STK39: variants seen among roughly 807,000 people sequenced by gnomAD.
STK39 encodes the protein serine/threonine kinase 39, also known as STE20/SPS1-related proline-alanine-rich protein kinase.
STK39 carries 20 observed loss-of-function variants against 77.8 expected under a neutral mutation model. The observed-to-expected ratio is 0.26, with a 90% CI of 0.18 to 0.37. The LOEUF (loss-of-function observed/expected upper bound fraction) is 0.37, where lower values mean the gene tolerates loss of function less well. Ranked by LOEUF, STK39 falls within the 10% of genes least tolerant of loss-of-function variation. The pLI is 1.00. For missense variants in STK39, 479 were observed against 656.5 expected (o/e 0.73, Z 2.95); for synonymous variants, 246 against 234.1 (o/e 1.05, Z -0.47).
intron 12 of STK39, among the ~76,000 whole-genome samples, chr2:168,069,488 C>T (rs80199186): frequency 0.016 from 2,378 of 152,290 alleles, 101 homozygotes; most frequent in East Asian, 0.1. Flanking sequence ...GAAACCTTTC[C>T]CACCTGCTTC....
chr2:167,991,002 G>A (rs764039942), intron 16 of STK39, among the ~76,000 whole-genome samples: 4 of 152,150 alleles, frequency 2.6e-5, no homozygotes, highest in Admixed American at 2.0e-4. Flanking sequence ...GGGATGTCAC[G>A]GTAAAATGGT....
chr2:168,023,757 C>G (rs1270972601), intron 14 of STK39, among the ~76,000 whole-genome samples: 1 of 152,120 alleles, frequency 6.6e-6, no homozygotes, highest in African/African-American at 2.4e-5. Flanking sequence ...ATTGTATACC[C>G]TCCACCGCAG....
intron 1 of STK39, among the ~76,000 whole-genome samples, chr2:168,218,664 A>G (rs1489563120): frequency 6.6e-6 from 1 of 152,206 alleles, no homozygotes; most frequent in African/African-American, 2.4e-5. Flanking sequence ...AATTCCAGCC[A>G]TAGAGAACAA....
chr2:168,199,650 G>C (rs1282581587), intron 1 of STK39, among the ~76,000 whole-genome samples: 2 of 151,940 alleles, frequency 1.3e-5, no homozygotes, highest in African/African-American at 2.4e-5. Context: ...GAGTAGCTGG[G>C]ATTACAGGTA....
intron 10 of STK39, among the ~76,000 whole-genome samples, chr2:168,096,689 A>G (rs901382776): frequency 1.3e-5 from 2 of 152,194 alleles, no homozygotes; most frequent in African/African-American, 2.4e-5. Flanking sequence ...TATGTACTCT[A>G]TGATAAGTGA....
At chr2:168,117,896 G>C (rs1687299355) in intron 10 of STK39, among the ~76,000 whole-genome samples, 1 of 152,120 alleles carries the variant, frequency 6.6e-6, no homozygotes, top group Non-Finnish European at 1.5e-5. Flanking sequence ...AGAAGCCATT[G>C]AGTTTTCAAT....
intron 16 of STK39, among the ~76,000 whole-genome samples, chr2:167,990,409 G>A (rs751271853): frequency 9.9e-5 from 15 of 152,050 alleles, no homozygotes; most frequent in South Asian, 2.1e-4. Flanking sequence ...CCAATTCTTC[G>A]TTTAGCAGAA....
At chr2:168,171,511 A>C (rs1211444420) in intron 2 of STK39, among the ~76,000 whole-genome samples, 1 of 150,982 alleles carries the variant, frequency 6.6e-6, no homozygotes, top group Non-Finnish European at 1.5e-5. Flanking sequence ...TTTTTTAGAC[A>C]ATCTCATTCT....
intron 14 of STK39, among the ~76,000 whole-genome samples, chr2:168,054,168 G>T (rs373794458): frequency 6.6e-6 from 1 of 152,206 alleles, no homozygotes; most frequent in East Asian, 1.9e-4. Flanking sequence ...ACAGGTAAAT[G>T]TAACAATCCC....
chr2:168,000,150 T>C (rs1041379558), intron 16 of STK39, among the ~76,000 whole-genome samples: 1 of 152,252 alleles, frequency 6.6e-6, no homozygotes, highest in African/African-American at 2.4e-5. Flanking sequence ...GTGAATTGCA[T>C]GGATATTTCA....
chr2:168,000,169 CT>C (rs1429273623), intron 16 of STK39, among the ~76,000 whole-genome samples: 2 of 152,146 alleles, frequency 1.3e-5, no homozygotes, highest in Admixed American at 6.5e-5. Context: ...CAGATTATGC[CT>C]ATAAGATTAA....
chr2:168,019,465 G>A (rs1684516785), intron 14 of STK39, among the ~76,000 whole-genome samples: 1 of 152,100 alleles, frequency 6.6e-6, no homozygotes. Context: ...ACTATCTTTG[G>A]CTTCAGTTAT....
At chr2:168,041,999 G>C (rs577708302) in intron 14 of STK39, among the ~76,000 whole-genome samples, 1 of 152,110 alleles carries the variant, frequency 6.6e-6, no homozygotes, top group African/African-American at 2.4e-5. Flanking sequence ...AGCTTGCCTC[G>C]CTATATAATC....
intron 1 of STK39, among the ~76,000 whole-genome samples, chr2:168,192,736 T>G (rs1378524546): frequency 1.3e-5 from 2 of 152,226 alleles, no homozygotes; most frequent in East Asian, 3.8e-4. Flanking sequence ...AATATAAATG[T>G]ACATGTCTAG....
At chr2:167,955,776 A>G (rs542330560) in intron 17 of STK39, among the ~76,000 whole-genome samples, 3 of 152,234 alleles carry the variant, frequency 2.0e-5, no homozygotes, top group Non-Finnish European at 4.4e-5. Context: ...CATGCTATGA[A>G]GTACAGAACA....
At chr2:167,963,495 C>T (rs1301676355) in intron 17 of STK39, among the ~76,000 whole-genome samples, 1 of 151,054 alleles carries the variant, frequency 6.6e-6, no homozygotes, top group Non-Finnish European at 1.5e-5. Context: ...ACACAGGCTG[C>T]CATTTTCTCA....
At chr2:168,038,114 A>G (rs1685005432) in intron 14 of STK39, among the ~76,000 whole-genome samples, 2 of 152,202 alleles carry the variant, frequency 1.3e-5, no homozygotes, top group African/African-American at 4.8e-5. Context: ...ATAGTTAGAT[A>G]GACTAGGATA....
At chr2:168,073,853 C>A (rs541289388) in intron 12 of STK39, among the ~76,000 whole-genome samples, 1 of 152,016 alleles carries the variant, frequency 6.6e-6, no homozygotes, top group Admixed American at 6.6e-5. Context: ...CCTGACCTCA[C>A]GTGATCCACC....
chr2:168,161,973 A>C (rs537170207), intron 4 of STK39, 131 bp from the exon 5 acceptor site: 22 of 612,970 alleles, frequency 3.6e-5, no homozygotes, highest in African/African-American at 2.9e-4. Context: ...ATATTAAGAT[A>C]ATAGCACAGA....
Sources: gnomAD v4.1 joint callset for allele counts (sites outside exome capture counted in the v4.1 genomes callset) on GRCh38, gnomAD v4.1.1 for gene constraint, MANE v1.5 for transcripts, NCBI Gene and HGNC (gene_info 2026-07-23, HGNC 2026-07-21) for gene names.